COL14A1: variants seen among roughly 807,000 people sequenced by gnomAD.
COL14A1 encodes collagen alpha-1(XIV) chain.
Under a neutral mutation model 230.3 loss-of-function variants are expected in COL14A1, and 136 were observed. The observed-to-expected ratio is 0.59, with a 90% CI of 0.51 to 0.68. The LOEUF (loss-of-function observed/expected upper bound fraction) is 0.68, where lower values mean the gene tolerates loss of function less well. Ranked by LOEUF, COL14A1 falls within the 30% of genes least tolerant of loss-of-function variation. COL14A1 has a pLI of 0.00. For missense variants in COL14A1, 1,976 were observed against 2,215.8 expected, an observed-to-expected ratio of 0.89 and a Z score of 2.17; for synonymous variants, 792 against 784.1, an observed-to-expected ratio of 1.01 and a Z score of -0.17.
In COL14A1 at chr8:120,314,049, A is replaced by C. The variant is rs780391308; in HGVS notation, c.4551+22A>C. Reference sequence around the variant, plus strand: ...GCCCGTGAGTTGTGTTCAAACATTCAGACGGGTTTTATTGTTATCTCTTTT... The same window carrying C: ...GCCCGTGAGTTGTGTTCAAACATTCCGACGGGTTTTATTGTTATCTCTTTT... On this transcript the variant is annotated intron_variant, in intron 38 of 47. Coordinates refer to ENST00000297848, the MANE Select transcript of COL14A1 (RefSeq NM_021110.4). 8 of 1,526,880 alleles carry C rather than the reference A, an allele frequency of 5.2e-6. No homozygotes were observed. In the South Asian group the frequency reaches 9.4e-5, roughly 18 times the overall value. The allele number at this position is 1,526,880 out of a possible 1,614,324, so 94.6% of individuals were successfully genotyped here.
chr8:120,187,116 A>G (rs569275847), intron 5 of COL14A1, among the ~76,000 whole-genome samples: 5 of 152,354 alleles, frequency 3.3e-5, no homozygotes, highest in African/African-American at 1.2e-4. Context: ...CGTCCTTTCT[A>G]TCTTCACTGA....
intron 7 of COL14A1, among the ~76,000 whole-genome samples, chr8:120,199,005 G>C (rs575917326): frequency 3.3e-4 from 50 of 152,254 alleles, no homozygotes; most frequent in African/African-American, 1.2e-3. Flanking sequence ...AAAACAAAGA[G>C]AGGGATTTTT....
intron 1 of COL14A1, among the ~76,000 whole-genome samples, chr8:120,132,126 G>T (rs1472516098): frequency 1.3e-5 from 2 of 151,914 alleles, no homozygotes; most frequent in African/African-American, 4.8e-5. Context: ...GGGATTACAG[G>T]CATGAGCCAC....
chr8:120,134,785 G>C (rs1814653423), intron 1 of COL14A1, among the ~76,000 whole-genome samples: 1 of 152,126 alleles, frequency 6.6e-6, no homozygotes, highest in Non-Finnish European at 1.5e-5. Context: ...GACCAGCCTG[G>C]CCAACATGGC....
At chr8:120,343,499 A>G (rs1443168782) in intron 44 of COL14A1, among the ~76,000 whole-genome samples, 2 of 152,216 alleles carry the variant, frequency 1.3e-5, no homozygotes, top group Admixed American at 6.5e-5. Context: ...AGATAAATCC[A>G]AATCTCACCC....
In COL14A1 at chr8:120,300,736, A is replaced by G; in HGVS notation, c.4319A>G (p.Asp1440Gly). Residue 1440 changes from aspartate (D) to glycine (G), a missense_variant, in exon 36 of 48, where the codon GAT (aspartate) becomes GGT (glycine). Around this residue, in one of 3 missense-constraint regions of COL14A1, gnomAD observed 1,791 missense variants for 2,019.5 expected, o/e 0.89. Transcript: ENST00000297848. ...GCTTTTTTTGTTTCTTTTCAGAGAG[A>G]TGATGAGTCTTGCCCAGACCTTCCC... The part of the protein sequence containing the change: ...DKCCELPGLR[D>G]DESCPDLPHS... 6.2e-7 allele frequency: 1 copy of G among 1,612,658 alleles called. No homozygotes were observed. The highest frequency in any genetic ancestry group is 1.3e-5 in the African/African-American group (1 of 74,934).
At chr8:120,366,535 T>G (rs1586902631) in intron 45 of COL14A1, among the ~76,000 whole-genome samples, 1 of 152,182 alleles carries the variant, frequency 6.6e-6, no homozygotes, top group Admixed American at 6.5e-5. Context: ...GATAATGAGG[T>G]GTCAGAGTAT....
chr8:120,341,887 A>G (rs1315639742), intron 43 of COL14A1, among the ~76,000 whole-genome samples: 1 of 152,148 alleles, frequency 6.6e-6, no homozygotes, highest in Non-Finnish European at 1.5e-5. Context: ...AGCTGCTAAT[A>G]TAATTGTGCC....
chr8:120,281,821 G>T (rs1472618380), intron 31 of COL14A1, among the ~76,000 whole-genome samples: 1 of 152,166 alleles, frequency 6.6e-6, no homozygotes, highest in Non-Finnish European at 1.5e-5. Flanking sequence ...ACCATTTCAT[G>T]ATAGTGCTAT....
At chr8:120,142,462 C>T (rs180853086) in intron 1 of COL14A1, among the ~76,000 whole-genome samples, 51 of 152,296 alleles carry the variant, frequency 3.3e-4, no homozygotes, top group African/African-American at 1.1e-3. Context: ...TCAACTTTTA[C>T]TAACCATTTT....
intron 40 of COL14A1, among the ~76,000 whole-genome samples, chr8:120,317,080 A>G (rs1211692426): frequency 2.6e-5 from 4 of 152,158 alleles, no homozygotes; most frequent in African/African-American, 9.7e-5. Context: ...ACCGATTTAG[A>G]CATGTGAGCA....
intron 34 of COL14A1, among the ~76,000 whole-genome samples, chr8:120,294,434 C>CTT (rs57256972): frequency 1.1e-4 from 15 of 136,904 alleles, no homozygotes; most frequent in South Asian, 2.3e-4. Flanking sequence ...GTCTCTTCCT[C>CTT]TTTTTTTTTT....
chr8:120,231,371 A>T (rs1818261326), intron 18 of COL14A1, 96 bp from the exon 19 acceptor site: 4 of 1,323,470 alleles, frequency 3.0e-6, no homozygotes, highest in Non-Finnish European at 4.2e-6. Context: ...GGATACATTA[A>T]ATGATGCTTG....
chr8:120,250,448 A>G (rs1250576596), intron 21 of COL14A1, among the ~76,000 whole-genome samples, 169 bp from the exon 22 acceptor site: 3 of 152,256 alleles, frequency 2.0e-5, no homozygotes, highest in African/African-American at 7.2e-5. Flanking sequence ...CCTTTAGCCC[A>G]GCAGTTTTTA....
At chr8:120,190,358 T>C (rs1477092144) in intron 5 of COL14A1, among the ~76,000 whole-genome samples, 2 of 152,208 alleles carry the variant, frequency 1.3e-5, no homozygotes, top group Non-Finnish European at 2.9e-5. Flanking sequence ...TCAATTTGTT[T>C]AAGTTCATTG....
At chr8:120,155,731 A>G (rs974383048) in intron 2 of COL14A1, among the ~76,000 whole-genome samples, 1 of 152,166 alleles carries the variant, frequency 6.6e-6, no homozygotes, top group South Asian at 2.1e-4. Flanking sequence ...AAACTTGCAT[A>G]TATTTTTAAT....
At chr8:120,240,855 AT>A (rs2130844329) in intron 19 of COL14A1, among the ~76,000 whole-genome samples, 1 of 152,324 alleles carries the variant, frequency 6.6e-6, no homozygotes, top group East Asian at 1.9e-4. Flanking sequence ...AACCCTTTGA[AT>A]TCTTAGAAAT....
At chr8:120,228,574 T>G (rs973144078) in intron 17 of COL14A1, 136 bp from the exon 18 acceptor site, 19 of 634,590 alleles carry the variant, frequency 3.0e-5, no homozygotes, top group Admixed American at 1.6e-4. Flanking sequence ...ATTTCTTTCG[T>G]CTTCTAACCA....
Position 120,147,948 on chromosome 8 carries a change from G to T in COL14A1, c.88+18G>T, listed in dbSNP as rs777852481. The T allele has an allele frequency of 2.6e-6, 4 of 1,547,636 alleles. No homozygotes were observed. In the African/African-American group the frequency reaches 5.4e-5, roughly 21 times the overall value. On this transcript the variant is annotated intron_variant, in intron 2 of 47. Transcript: ENST00000297848. ...AGGTCAAGGTAATTGAAAACTTTGA[G>T]AATCAGTAGGGTCTGGGACTCTAGC...
Sources: allele counts gnomAD v4.1 joint callset (sites outside exome capture counted in the v4.1 genomes callset), GRCh38; gene constraint gnomAD v4.1.1; regional missense constraint gnomAD v4.1.1; transcripts MANE v1.5; gene names NCBI Gene and HGNC (gene_info 2026-07-23, HGNC 2026-07-21).